DACH2: variants seen among roughly 807,000 people sequenced by gnomAD.
DACH2 encodes dachshund homolog 2.
A neutral mutation model predicts 35.8 loss-of-function variants in DACH2; 17 were observed. The observed-to-expected ratio is 0.48, with a 90% confidence interval of 0.33 to 0.71. The LOEUF is 0.71. Ranked by LOEUF, DACH2 falls within the 30% of genes least tolerant of loss-of-function variation. DACH2 has a pLI of 0.02. For synonymous variants in DACH2, 195 were observed against 177.3 expected (o/e 1.10, Z -0.79); for missense variants, 469 against 472.7 (o/e 0.99, Z 0.07).
chrX:86,628,465 G>A (rs923957137), intron 3 of DACH2, among the ~76,000 whole-genome samples: 2 of 111,702 alleles, frequency 1.8e-5, no homozygotes, highest in Non-Finnish European at 3.8e-5. Context: ...TCATAATTCG[G>A]GCTAGACAAA....
chrX:86,242,430 G>A (rs1455241417), intron 1 of DACH2, among the ~76,000 whole-genome samples: 1 of 112,166 alleles, frequency 8.9e-6, no homozygotes, highest in Non-Finnish European at 1.9e-5. Flanking sequence ...GTTTTGGAAT[G>A]GTAGCATTTA....
At chrX:86,464,590 G>T (rs1316904053) in intron 2 of DACH2, among the ~76,000 whole-genome samples, 1 of 111,070 alleles carries the variant, frequency 9.0e-6, no homozygotes, top group African/African-American at 3.3e-5. Flanking sequence ...AAACCTAGAT[G>T]ATGGGTTGAT....
chrX:86,279,680 A>G (rs1376623627), intron 1 of DACH2, among the ~76,000 whole-genome samples: 1 of 110,597 alleles, frequency 9.0e-6, no homozygotes, highest in East Asian at 2.9e-4. Context: ...TTATGAACTG[A>G]CAGAAGTAGG....
intron 1 of DACH2, among the ~76,000 whole-genome samples, chrX:86,369,271 A>C (rs1055317512): frequency 1.8e-5 from 2 of 111,296 alleles, no homozygotes; most frequent in African/African-American, 3.3e-5. Flanking sequence ...TTTTATTTTA[A>C]AATAGATTTT....
In DACH2 at chrX:86,662,541, C is replaced by T. The variant is rs572234300; in HGVS notation, c.772+11374C>T. On this transcript the variant is annotated intron_variant, in intron 4 of 11. Coordinates refer to ENST00000373125, the MANE Select transcript of DACH2 (RefSeq NM_053281.3). ...CAGGCAGGCGGAGGTTGCAGTGAGC[C>T]GAGATCACGCCGCTGCACTCCAGCC... Among the ~76,000 whole-genome samples the T allele has an allele frequency of 1.2e-3, 134 of 109,537 alleles. 1 individual carries two copies. The highest frequency in any genetic ancestry group is 9.5e-3 in the Middle Eastern group (2 of 211).
At chrX:86,467,298 G>A (rs930318650) in intron 2 of DACH2, among the ~76,000 whole-genome samples, 8 of 111,000 alleles carry the variant, frequency 7.2e-5, no homozygotes, top group Non-Finnish European at 1.9e-5. Flanking sequence ...CTAGGGCAGG[G>A]GCAACATGCT....
intron 1 of DACH2, among the ~76,000 whole-genome samples, chrX:86,365,567 T>A (rs2035795838): frequency 9.0e-6 from 1 of 111,648 alleles, no homozygotes; most frequent in Non-Finnish European, 1.9e-5. Context: ...ATTTGGGAAA[T>A]AATAAGCATA....
chrX:86,571,831 T>C (rs1242620430), intron 3 of DACH2, among the ~76,000 whole-genome samples: 1 of 110,874 alleles, frequency 9.0e-6, no homozygotes, highest in Non-Finnish European at 1.9e-5. Context: ...AATAAATAGA[T>C]CAATTTGGGG....
chrX:86,182,116 T>G (rs1413477731), intron 1 of DACH2, among the ~76,000 whole-genome samples: 5 of 111,985 alleles, frequency 4.5e-5, no homozygotes, highest in Non-Finnish European at 9.4e-5. Flanking sequence ...TTGCAAAAAT[T>G]TTCTCCCATT....
At chrX:86,424,617 A>G (rs1240174187) in intron 2 of DACH2, among the ~76,000 whole-genome samples, 1 of 111,439 alleles carries the variant, frequency 9.0e-6, no homozygotes. Context: ...ATATCACATC[A>G]TTTGCAAACA....
chrX:86,531,531 G>A (rs1292302919), intron 3 of DACH2, among the ~76,000 whole-genome samples: 2 of 112,298 alleles, frequency 1.8e-5, no homozygotes, highest in East Asian at 5.6e-4. Flanking sequence ...CAAGCCCCAA[G>A]CATTGGCAGC....
intron 1 of DACH2, among the ~76,000 whole-genome samples, chrX:86,266,140 G>T (rs990333978): frequency 1.8e-4 from 20 of 110,860 alleles, no homozygotes; most frequent in African/African-American, 4.9e-4. Flanking sequence ...TCCCCTCAAG[G>T]GTTTGTTAAA....
intron 4 of DACH2, among the ~76,000 whole-genome samples, chrX:86,662,237 A>G (rs897732934): frequency 3.6e-5 from 4 of 111,392 alleles, no homozygotes; most frequent in African/African-American, 6.5e-5. Context: ...GTTCAGATTA[A>G]GGGGGAGGAA....
intron 3 of DACH2, among the ~76,000 whole-genome samples, chrX:86,531,843 G>A (rs1049049252): frequency 4.4e-5 from 5 of 112,677 alleles, no homozygotes; most frequent in South Asian, 3.7e-4. Flanking sequence ...TGGAAAAGCC[G>A]CAGGCACTCA....
At chrX:86,534,417 A>T (rs2148291962) in intron 3 of DACH2, among the ~76,000 whole-genome samples, 1 of 112,588 alleles carries the variant, frequency 8.9e-6, no homozygotes, top group Non-Finnish European at 1.9e-5. Context: ...TGACACACAA[A>T]TAGGGAATAA....
At chrX:86,310,395 A>G (rs1376507665) in intron 1 of DACH2, among the ~76,000 whole-genome samples, 1 of 111,608 alleles carries the variant, frequency 9.0e-6, no homozygotes, top group East Asian at 2.8e-4. Context: ...GCCTGCACCA[A>G]TGGCCTCATG....
chrX:86,644,932 C>CTT (rs200953651), intron 3 of DACH2, among the ~76,000 whole-genome samples: 3,818 of 110,568 alleles, frequency 0.035, 184 homozygotes, highest in African/African-American at 0.12. Context: ...GGATTAATGA[C>CTT]TTAAATGTAT....
At chrX:86,789,625 A>T (rs1160666025) in intron 7 of DACH2, among the ~76,000 whole-genome samples, 4 of 112,009 alleles carry the variant, frequency 3.6e-5, no homozygotes, top group African/African-American at 1.3e-4. Context: ...CCATCTTTTA[A>T]GCCCTAGATA....
intron 2 of DACH2, among the ~76,000 whole-genome samples, chrX:86,468,263 A>T (rs750130659): frequency 1.8e-5 from 2 of 111,499 alleles, no homozygotes; most frequent in Non-Finnish European, 3.8e-5. Flanking sequence ...ACAATCATTG[A>T]TTTAAATTTG....
Sources: gnomAD v4.1 joint callset for allele counts (sites outside exome capture counted in the v4.1 genomes callset) on GRCh38, gnomAD v4.1.1 for gene constraint, MANE v1.5 for transcripts, NCBI Gene and HGNC (gene_info 2026-07-23, HGNC 2026-07-21) for gene names.